The following ADAM32 variants were observed in gnomAD, a reference collection of about 807,000 sequenced individuals.
ADAM32 encodes the protein disintegrin and metalloproteinase domain-containing protein 32.
In ADAM32, 89 loss-of-function variants were observed where a neutral mutation model predicts 114.9. That is an observed-to-expected ratio of 0.77 (90% CI 0.65 to 0.92). ADAM32 has a LOEUF of 0.92. ADAM32 is among the 40% of genes least tolerant of loss of function. The probability of loss-of-function intolerance (pLI) is 0.00; values close to 1 mark genes in which losing one functional copy is unlikely to be tolerated. For missense variants in ADAM32, 870 were observed against 932.8 expected, an observed-to-expected ratio of 0.93 and a Z score of 0.88; for synonymous variants, 285 against 307.5, an observed-to-expected ratio of 0.93 and a Z score of 0.77.
chr8:39,258,141 T>C (rs1255510163), intron 19 of ADAM32, among the ~76,000 whole-genome samples: 2 of 151,982 alleles, frequency 1.3e-5, no homozygotes, highest in Admixed American at 1.3e-4. Context: ...CTTTTTTTTT[T>C]CTTTTTCATG....
At chr8:39,230,402 C>T (rs1308165046) in intron 14 of ADAM32, among the ~76,000 whole-genome samples, 1 of 152,176 alleles carries the variant, frequency 6.6e-6, no homozygotes, top group Non-Finnish European at 1.5e-5. Context: ...TTAGATGCCA[C>T]ACGTAGACTA....
At chr8:39,150,807 C>A (rs1191039412) in intron 5 of ADAM32, among the ~76,000 whole-genome samples, 1 of 152,124 alleles carries the variant, frequency 6.6e-6, no homozygotes, top group Non-Finnish European at 1.5e-5. Flanking sequence ...CTTTTAATTT[C>A]TTATTCAGAC....
At chr8:39,202,168 T>C (rs948471651) in intron 11 of ADAM32, among the ~76,000 whole-genome samples, 9 of 152,210 alleles carry the variant, frequency 5.9e-5, no homozygotes, top group Admixed American at 2.0e-4. Flanking sequence ...GATACCCTCT[T>C]TTTCTATTGA....
chr8:39,219,085 C>G (rs1403657342), intron 12 of ADAM32, among the ~76,000 whole-genome samples: 1 of 152,000 alleles, frequency 6.6e-6, no homozygotes, highest in Non-Finnish European at 1.5e-5. Flanking sequence ...GGGGACTTCA[C>G]CACCCTGATC....
At chr8:39,163,475 AAAT>A (rs33935671) in intron 7 of ADAM32, among the ~76,000 whole-genome samples, 150,765 of 152,276 alleles carry the variant, frequency 0.99, 74,648 homozygotes, top group Middle Eastern at 1. Flanking sequence ...AGGAGGAATC[AAAT>A]TTTAAGAGAC....
rs1411557638 is a variant in ADAM32, at chr8:39,116,024, T to C, written c.59-2062T>C. 4.6e-5 allele frequency among the ~76,000 whole-genome samples: 7 copies of C among 152,376 alleles called. No homozygotes were observed. The East Asian group carries it at 1.2e-3, about 25-fold the overall frequency. Reference sequence around the variant, plus strand: ...TTCTCCATTGCTTGTTATTGTTAACTGTCAAAGATCAGATGGTTATAGGTG... The same window carrying C: ...TTCTCCATTGCTTGTTATTGTTAACCGTCAAAGATCAGATGGTTATAGGTG... On this transcript the variant is annotated intron_variant, in intron 1 of 24. Coordinates refer to ENST00000379907, the MANE Select transcript of ADAM32 (RefSeq NM_145004.7).
intron 16 of ADAM32, among the ~76,000 whole-genome samples, chr8:39,236,722 T>C (rs1428627779): frequency 1.3e-5 from 2 of 152,156 alleles, no homozygotes; most frequent in Non-Finnish European, 2.9e-5. Flanking sequence ...CCCCATACTC[T>C]TTGAGGCTAA....
At chr8:39,273,550 A>C (rs1279567802) in intron 20 of ADAM32, among the ~76,000 whole-genome samples, 1 of 152,002 alleles carries the variant, frequency 6.6e-6, no homozygotes, top group Non-Finnish European at 1.5e-5. Context: ...ACAAACAAAC[A>C]AAAGGATAGG....
chr8:39,205,552 G>A (rs1314127938), intron 11 of ADAM32, among the ~76,000 whole-genome samples: 3 of 152,200 alleles, frequency 2.0e-5, no homozygotes, highest in Admixed American at 6.5e-5. Context: ...AGGGAATTCC[G>A]TGACCCCTTG....
chr8:39,137,088 G>GATTT (rs1331527743), intron 3 of ADAM32, among the ~76,000 whole-genome samples: 17 of 152,312 alleles, frequency 1.1e-4, no homozygotes, highest in Admixed American at 9.8e-4. Context: ...ATGGGACAGG[G>GATTT]ATTTAATACA....
chr8:39,204,484 G>T (rs1807676929), intron 11 of ADAM32, among the ~76,000 whole-genome samples: 2 of 152,132 alleles, frequency 1.3e-5, no homozygotes, highest in African/African-American at 2.4e-5. Context: ...AGCTCCATCA[G>T]GTCATTTAAG....
At chr8:39,179,833 C>T (rs1424058349) in intron 10 of ADAM32, among the ~76,000 whole-genome samples, 2 of 152,324 alleles carry the variant, frequency 1.3e-5, no homozygotes, top group South Asian at 2.1e-4. Flanking sequence ...ATTTGCTTGC[C>T]GTTTTCATTC....
At chr8:39,235,327 T>C (rs1810050377) in intron 16 of ADAM32, among the ~76,000 whole-genome samples, 1 of 152,156 alleles carries the variant, frequency 6.6e-6, no homozygotes, top group Admixed American at 6.5e-5. Flanking sequence ...TCCTTAGATA[T>C]GAAATGTATA....
intron 10 of ADAM32, among the ~76,000 whole-genome samples, chr8:39,180,191 G>T (rs986471742): frequency 2.0e-5 from 3 of 152,230 alleles, no homozygotes; most frequent in African/African-American, 7.2e-5. Flanking sequence ...CGTGGGCTTG[G>T]CGGGCCCCGC....
chr8:39,114,664 T>G (rs1220754233), intron 1 of ADAM32, among the ~76,000 whole-genome samples: 1 of 152,126 alleles, frequency 6.6e-6, no homozygotes, highest in African/African-American at 2.4e-5. Context: ...TGATTCCCAG[T>G]CAAAGCAAGG....
At chr8:39,284,688 C>A in intron 24 of ADAM32, 105 bp from the exon 25 acceptor site, 1 of 1,231,802 alleles carries the variant, frequency 8.1e-7, no homozygotes, top group Non-Finnish European at 1.2e-6. Context: ...TTCTTTTTTT[C>A]GTGCCACATG....
chr8:39,248,663 A>G (rs1472962293), intron 17 of ADAM32, among the ~76,000 whole-genome samples: 1 of 152,064 alleles, frequency 6.6e-6, no homozygotes, highest in East Asian at 1.9e-4. Context: ...CTTCCCAATC[A>G]GTATACTTTT....
At position 39,233,979 on chromosome 8, in the gene ADAM32, CT is replaced by C. The variant is rs1809925787; in HGVS notation, c.1718del (p.Phe573SerfsTer8). ...CAAGAAAATGGTGATGTGATTTATG[CT>C]TTCGTACGAGATTCTGTATGCATAA... is the stretch of plus-strand genomic sequence containing the variant. ...FHQENGDVIYAFVRDSVCITV... is the reference protein window; with the variant it reads ...FHQENGDVIYXFVRDSVCITV... On this transcript the variant is annotated frameshift_variant, in exon 16 of 25. Transcript: ENST00000379907. LOFTEE classifies it high-confidence loss of function. 3 of 1,584,320 alleles carry C rather than the reference CT, an allele frequency of 1.9e-6. No individual in the cohort carries two copies. Among genetic ancestry groups the C allele is most frequent in the Non-Finnish European group, 2.6e-6 (3 of 1,163,570 alleles).
intron 11 of ADAM32, among the ~76,000 whole-genome samples, chr8:39,206,521 G>A (rs1413615520): frequency 6.6e-6 from 1 of 152,210 alleles, no homozygotes; most frequent in Admixed American, 6.5e-5. Context: ...TCCCTCTGAA[G>A]GTAGATGCAG....
Sources: allele counts gnomAD v4.1 joint callset (sites outside exome capture counted in the v4.1 genomes callset), GRCh38; gene constraint gnomAD v4.1.1; transcripts MANE v1.5; gene names NCBI Gene and HGNC (gene_info 2026-07-23, HGNC 2026-07-21).